CFAP54: variants seen among roughly 807,000 people sequenced by gnomAD.
The protein encoded by CFAP54 is cilia and flagella associated protein 54.
A neutral mutation model predicts 370.4 loss-of-function variants in CFAP54; 290 were observed. The observed-to-expected ratio is 0.78, with a 90% CI of 0.71 to 0.86. The LOEUF (loss-of-function observed/expected upper bound fraction) is 0.86. Among genes scored for constraint, CFAP54 ranks in the 40% least tolerant of loss-of-function variants. The pLI is 0.00. For missense variants in CFAP54, 3,399 were observed against 3,528.7 expected (o/e 0.96, Z 0.93); for synonymous variants, 1,206 against 1,236.5 (o/e 0.98, Z 0.52).
Position 96,664,789 on chromosome 12 carries a change from A to ATCTATC in CFAP54, c.5563+858_5563+859insCTATCT, listed in dbSNP as rs1565934561. 1.7e-4 allele frequency among the ~76,000 whole-genome samples: 3 copies of ATCTATC among 17,360 alleles called. No homozygotes were observed. In the East Asian group the frequency reaches 6.2e-3, roughly 36 times the overall value. The allele number at this position is 17,360 out of a possible 152,430, so 11.4% of individuals were successfully genotyped here. A position where few individuals can be genotyped will look rare whatever the true frequency, so the allele number is the denominator to read the frequency against. On this transcript the variant is annotated intron_variant, in intron 39 of 67. Transcript: ENST00000524981. Reference sequence around the variant, plus strand: ...TCTATATCTATATCTATATATATATATATATATATATATATATATATATAG... The same window carrying ATCTATC: ...TCTATATCTATATCTATATATATATATCTATCTATATATATATATATATATATATAG...
chr12:96,523,740 A>C (rs1311673506), intron 8 of CFAP54, among the ~76,000 whole-genome samples: 1 of 151,996 alleles, frequency 6.6e-6, no homozygotes, highest in African/African-American at 2.4e-5. Context: ...CCAAATTTAA[A>C]TATCCAAAGT....
intron 46 of CFAP54, among the ~76,000 whole-genome samples, chr12:96,702,928 C>T (rs1312560044): frequency 6.6e-6 from 1 of 152,112 alleles, no homozygotes; most frequent in Non-Finnish European, 1.5e-5. Flanking sequence ...TGTATTTTAA[C>T]ATTATACTCA....
At chr12:96,855,458 G>T (rs1361064469) in intron 66 of CFAP54, among the ~76,000 whole-genome samples, 1 of 152,184 alleles carries the variant, frequency 6.6e-6, no homozygotes, top group African/African-American at 2.4e-5. Flanking sequence ...TCAAAAGAAG[G>T]TTAGTTACTT....
chr12:96,610,091 C>T (rs1472476062), intron 26 of CFAP54, among the ~76,000 whole-genome samples: 1 of 152,200 alleles, frequency 6.6e-6, no homozygotes, highest in African/African-American at 2.4e-5. Context: ...AAAATGATGT[C>T]ACAGAGTGAT....
intron 22 of CFAP54, among the ~76,000 whole-genome samples, chr12:96,588,761 T>A (rs1444309423): frequency 6.6e-6 from 1 of 152,222 alleles, no homozygotes; most frequent in Non-Finnish European, 1.5e-5. Context: ...AATGGAGTGC[T>A]TTTTAGGAAC....
At chr12:96,860,503 C>T (rs891334537) in intron 66 of CFAP54, among the ~76,000 whole-genome samples, 1 of 152,130 alleles carries the variant, frequency 6.6e-6, no homozygotes, top group Non-Finnish European at 1.5e-5. Flanking sequence ...GGAGATTTGC[C>T]AACTGGTCAA....
intron 39 of CFAP54, among the ~76,000 whole-genome samples, chr12:96,664,622 ATGTG>A (rs55839375): frequency 0.011 from 1,324 of 115,178 alleles, 15 homozygotes; most frequent in East Asian, 0.03. Context: ...CCAAGAACGT[ATGTG>A]TGTGTGTGTG....
At chr12:96,522,290 C>A in intron 8 of CFAP54, 101 bp downstream of exon 8, 1 of 791,670 alleles carries the variant, frequency 1.3e-6, no homozygotes, top group Non-Finnish European at 1.9e-6. Flanking sequence ...TTAAATTCTG[C>A]CCCCAGTTCT....
intron 62 of CFAP54, among the ~76,000 whole-genome samples, chr12:96,787,810 A>T (rs1440572255): frequency 6.6e-6 from 1 of 152,228 alleles, no homozygotes; most frequent in African/African-American, 2.4e-5. Flanking sequence ...TCGCAGGATT[A>T]ATACTAGCAG....
At chr12:96,670,428 A>G (rs1592699955) in intron 39 of CFAP54, among the ~76,000 whole-genome samples, 2 of 152,296 alleles carry the variant, frequency 1.3e-5, no homozygotes, top group Middle Eastern at 6.8e-3. Flanking sequence ...GATGTTGTAA[A>G]TCTTGCTCTA....
At chr12:96,493,657 G>T (rs1049490663) in intron 1 of CFAP54, among the ~76,000 whole-genome samples, 1 of 152,162 alleles carries the variant, frequency 6.6e-6, no homozygotes, top group African/African-American at 2.4e-5. Context: ...AATTAGTCGG[G>T]CGTGGTGGTG....
At chr12:96,495,992 C>T (rs1211221778) in intron 1 of CFAP54, among the ~76,000 whole-genome samples, 3 of 152,000 alleles carry the variant, frequency 2.0e-5, no homozygotes, top group Non-Finnish European at 2.9e-5. Flanking sequence ...ATTCAAATAC[C>T]GTGGCATTTC....
At chr12:96,574,732 A>G (rs530075778) in intron 19 of CFAP54, among the ~76,000 whole-genome samples, 11 of 151,988 alleles carry the variant, frequency 7.2e-5, no homozygotes, top group Non-Finnish European at 1.3e-4. Flanking sequence ...ATTACAGTTC[A>G]TTATTTTGTT....
intron 63 of CFAP54, among the ~76,000 whole-genome samples, chr12:96,795,388 A>G (rs533308870): frequency 1.3e-5 from 2 of 152,156 alleles, no homozygotes; most frequent in Non-Finnish European, 2.9e-5. Flanking sequence ...AGTGGTATAG[A>G]AAAACAATTA....
At chr12:96,625,831 G>A (rs1016564650) in intron 29 of CFAP54, 24 bp downstream of exon 29, 6 of 1,440,962 alleles carry the variant, frequency 4.2e-6, no homozygotes, top group Middle Eastern at 1.7e-4. Context: ...ATGTGTATAT[G>A]CTGTTCACTC....
intron 48 of CFAP54, among the ~76,000 whole-genome samples, chr12:96,717,275 G>C (rs1441128208): frequency 6.6e-6 from 1 of 151,956 alleles, no homozygotes; most frequent in Non-Finnish European, 1.5e-5. Flanking sequence ...TCTCCCTTAG[G>C]TGAAAAAGCC....
intron 26 of CFAP54, among the ~76,000 whole-genome samples, chr12:96,615,697 A>G (rs1217024765): frequency 6.6e-6 from 1 of 151,982 alleles, no homozygotes; most frequent in Non-Finnish European, 1.5e-5. Flanking sequence ...CAACAAGTGG[A>G]GGAAGGACAT....
chr12:96,706,614 A>T (rs192638458), intron 47 of CFAP54, among the ~76,000 whole-genome samples: 1 of 152,300 alleles, frequency 6.6e-6, no homozygotes, highest in East Asian at 1.9e-4. Context: ...ATGAAGAGCC[A>T]CTGGAGAGTT....
intron 50 of CFAP54, among the ~76,000 whole-genome samples, chr12:96,737,959 G>C (rs777458835): frequency 1.2e-4 from 19 of 152,154 alleles, no homozygotes; most frequent in Non-Finnish European, 1.5e-4. Flanking sequence ...GGCTGGGGAT[G>C]GGGGAGGGCC....
Sources: gnomAD v4.1 joint callset for allele counts (sites outside exome capture counted in the v4.1 genomes callset) on GRCh38, gnomAD v4.1.1 for gene constraint, MANE v1.5 for transcripts, NCBI Gene and HGNC (gene_info 2026-07-23, HGNC 2026-07-21) for gene names.